The following ASIC2 variants were observed in gnomAD, a reference collection of about 807,000 sequenced individuals.
The protein encoded by ASIC2 is acid-sensing ion channel 2.
ASIC2 carries 25 observed loss-of-function variants against 57.3 expected under a neutral mutation model. The ratio of observed to expected loss-of-function variants is 0.44; its 90% confidence interval spans 0.32 to 0.61. The LOEUF (loss-of-function observed/expected upper bound fraction) is 0.61, where lower values mean the gene tolerates loss of function less well. Among genes scored for constraint, ASIC2 ranks in the 20% least tolerant of loss-of-function variants. The probability of loss-of-function intolerance (pLI) is 0.06; values close to 1 mark genes in which losing one functional copy is unlikely to be tolerated. For missense variants in ASIC2, 641 were observed against 738.1 expected, an observed-to-expected ratio of 0.87 and a Z score of 1.52; for synonymous variants, 319 against 307.5, an observed-to-expected ratio of 1.04 and a Z score of -0.39.
At chr17:33,077,342 T>C (rs1567736077) in intron 3 of ASIC2, among the ~76,000 whole-genome samples, 1 of 152,204 alleles carries the variant, frequency 6.6e-6, no homozygotes, top group Non-Finnish European at 1.5e-5. Context: ...GAGCAATTGA[T>C]GAACCAATAT....
At chr17:33,795,786 C>G (rs745640835) in intron 1 of ASIC2, among the ~76,000 whole-genome samples, 3 of 152,210 alleles carry the variant, frequency 2.0e-5, no homozygotes, top group Non-Finnish European at 2.9e-5. Context: ...AGCCTAAGTT[C>G]TTGCTTTCTT....
chr17:33,667,840 C>A (rs920462318), intron 1 of ASIC2, among the ~76,000 whole-genome samples: 5 of 152,152 alleles, frequency 3.3e-5, no homozygotes, highest in Non-Finnish European at 7.3e-5. Flanking sequence ...GGGGGAAATT[C>A]TGACAGATTT....
intron 1 of ASIC2, among the ~76,000 whole-genome samples, chr17:33,337,489 G>T (rs1000967469): frequency 2.5e-5 from 3 of 117,724 alleles, no homozygotes; most frequent in Non-Finnish European, 5.6e-5. Flanking sequence ...GTGACCTGGT[G>T]CCATTTCCTT....
intron 1 of ASIC2, among the ~76,000 whole-genome samples, chr17:33,822,116 C>T (rs1912762136): frequency 6.6e-6 from 1 of 152,186 alleles, no homozygotes; most frequent in South Asian, 2.1e-4. Context: ...TAACCTACTT[C>T]CTGGGTTTGT....
At chr17:34,093,534 C>T (rs1343146789) in intron 1 of ASIC2, among the ~76,000 whole-genome samples, 6 of 152,174 alleles carry the variant, frequency 3.9e-5, no homozygotes, top group South Asian at 2.1e-4. Flanking sequence ...AGGCAAGAAT[C>T]GGGACTGACT....
intron 1 of ASIC2, among the ~76,000 whole-genome samples, chr17:33,703,645 G>A (rs751428633): frequency 3.3e-5 from 5 of 152,136 alleles, no homozygotes; most frequent in Non-Finnish European, 7.4e-5. Flanking sequence ...CAGCCACCGT[G>A]CCCAGCATAT....
intron 1 of ASIC2, among the ~76,000 whole-genome samples, chr17:33,992,085 C>T (rs1906016173): frequency 6.6e-6 from 1 of 152,160 alleles, no homozygotes; most frequent in Non-Finnish European, 1.5e-5. Context: ...GTCTCTGAGC[C>T]TCAGTTTCTC....
intron 1 of ASIC2, among the ~76,000 whole-genome samples, chr17:33,259,739 G>A (rs1221548289): frequency 6.6e-6 from 1 of 152,170 alleles, no homozygotes; most frequent in African/African-American, 2.4e-5. Flanking sequence ...ATGGAAGTAA[G>A]ACGCAATCCT....
intron 1 of ASIC2, among the ~76,000 whole-genome samples, chr17:33,707,292 T>C (rs1453588874): frequency 6.6e-6 from 1 of 152,158 alleles, no homozygotes; most frequent in Non-Finnish European, 1.5e-5. Flanking sequence ...TGGCAAATTT[T>C]CTCATTCTAG....
chr17:33,034,366 G>T (rs569725236), intron 3 of ASIC2, among the ~76,000 whole-genome samples: 1 of 152,232 alleles, frequency 6.6e-6, no homozygotes, highest in South Asian at 2.1e-4. Flanking sequence ...GAGTGGTAGT[G>T]CACCCCTGTA....
chr17:33,446,814 C>T (rs1912038596), intron 1 of ASIC2, among the ~76,000 whole-genome samples: 1 of 152,168 alleles, frequency 6.6e-6, no homozygotes, highest in Non-Finnish European at 1.5e-5. Flanking sequence ...ATCAGTAGAC[C>T]TGTGTCAATT....
chr17:33,699,273 G>A (rs7215944), intron 1 of ASIC2, among the ~76,000 whole-genome samples: 43,567 of 151,988 alleles, frequency 0.29, 6,487 homozygotes, highest in African/African-American at 0.36. Flanking sequence ...CCAGAATCAC[G>A]TGGCCCATCC....
chr17:33,237,895 A>C (rs1775296059), intron 1 of ASIC2, among the ~76,000 whole-genome samples: 3 of 152,058 alleles, frequency 2.0e-5, no homozygotes, highest in African/African-American at 7.2e-5. Context: ...TCCATCTCTC[A>C]CTAACCACCA....
At chr17:33,169,098 T>A (rs1905410375) in intron 1 of ASIC2, among the ~76,000 whole-genome samples, 1 of 152,216 alleles carries the variant, frequency 6.6e-6, no homozygotes, top group African/African-American at 2.4e-5. Flanking sequence ...CTTGGGAACC[T>A]GCACCCCACA....
At chr17:33,870,770 T>C (rs1433723162) in intron 1 of ASIC2, among the ~76,000 whole-genome samples, 2 of 152,166 alleles carry the variant, frequency 1.3e-5, no homozygotes, top group Non-Finnish European at 2.9e-5. Context: ...TCTGTGCAAT[T>C]GCAATAATAA....
chr17:33,519,338 C>A lies in ASIC2; in HGVS notation c.556-407271G>T, dbSNP rs576465495. On this transcript the variant is annotated intron_variant, in intron 1 of 9. Coordinates refer to the ASIC2 transcript ENST00000359872. ...ATGCTGGAAGCCGCCCAGCTTGTTACCCTTCTCCTTTCCTCTCTTTCCACT... is the reference window on the plus strand; with the variant it reads ...ATGCTGGAAGCCGCCCAGCTTGTTAACCTTCTCCTTTCCTCTCTTTCCACT... Among the ~76,000 whole-genome samples the A allele has an allele frequency of 6.6e-5, 10 of 152,288 alleles. 1 individual carries two copies. The East Asian group carries it at 1.4e-3, about 21-fold the overall frequency.
At chr17:33,264,325 T>A (rs1241976870) in intron 1 of ASIC2, among the ~76,000 whole-genome samples, 1 of 152,262 alleles carries the variant, frequency 6.6e-6, no homozygotes, top group Non-Finnish European at 1.5e-5. Context: ...ACTCACTATG[T>A]GCATGGCATG....
chr17:33,291,896 C>A lies in ASIC2; in HGVS notation c.220G>T (p.Ala74Ser). The change falls in exon 1 of 10, where the codon GCC becomes TCC. Residue 74 changes from alanine to serine, a missense_variant. Physicochemically the swap from Ala to Ser is moderately conservative, Grantham distance 99. This residue lies in a region of ASIC2 where 382 missense variants were observed against 398.0 expected (regional missense o/e 0.96). Transcript: ENST00000225823. ...AKLHGLRHMC[A>S]GRTAAGGSFQ... ...GAGCCCCCAGCCGCCGTGCGCCCGG[C>A]ACACATGTGCCGCAGCCCGTGCAGT... The A allele has an allele frequency of 6.2e-7, 1 of 1,601,184 alleles. No individual in the cohort carries two copies. Among genetic ancestry groups the A allele is most frequent in the South Asian group, 1.1e-5 (1 of 90,634 alleles).
chr17:33,414,448 G>A (rs1404199093), intron 1 of ASIC2, among the ~76,000 whole-genome samples: 1 of 152,226 alleles, frequency 6.6e-6, no homozygotes, highest in African/African-American at 2.4e-5. Flanking sequence ...AGCAGTGGGA[G>A]GATGAAGCTG....
Sources: allele counts gnomAD v4.1 joint callset (sites outside exome capture counted in the v4.1 genomes callset), GRCh38; gene constraint gnomAD v4.1.1; regional missense constraint gnomAD v4.1.1; transcripts MANE v1.5; gene names NCBI Gene and HGNC (gene_info 2026-07-23, HGNC 2026-07-21).